ARHGAP15: variants seen among roughly 807,000 people sequenced by gnomAD.
ARHGAP15 encodes Rho GTPase activating protein 15.
In ARHGAP15, 51 loss-of-function variants were observed where a neutral mutation model predicts 63.7. The ratio of observed to expected loss-of-function variants is 0.80; its 90% CI spans 0.64 to 1.01. The LOEUF is 1.01. Ranked by LOEUF, ARHGAP15 falls within the 50% of genes least tolerant of loss-of-function variation. ARHGAP15 has a pLI of 0.00. For missense variants in ARHGAP15, 560 were observed against 564.6 expected (o/e 0.99, Z 0.08); for synonymous variants, 191 against 193.8 (o/e 0.99, Z 0.12).
At chr2:143,413,964 T>TGCGCGCGCGCGCGC (rs1263567075) in intron 6 of ARHGAP15, among the ~76,000 whole-genome samples, 8 of 67,020 alleles carry the variant, frequency 1.2e-4, no homozygotes, top group African/African-American at 5.6e-4. Flanking sequence ...TGTGTGTGTG[T>TGCGCGCGCGCGCGC]GTGCGCGCTC....
chr2:143,742,737 C>T (rs1686008180), intron 13 of ARHGAP15, among the ~76,000 whole-genome samples: 1 of 152,190 alleles, frequency 6.6e-6, no homozygotes, highest in Non-Finnish European at 1.5e-5. Flanking sequence ...AGTCCAGTGA[C>T]AGCCAATCAG....
chr2:143,200,841 A>G (rs1488174392), intron 2 of ARHGAP15, among the ~76,000 whole-genome samples: 1 of 152,154 alleles, frequency 6.6e-6, no homozygotes, highest in Non-Finnish European at 1.5e-5. Flanking sequence ...GAGACTTAAT[A>G]GAATGTTGAT....
intron 6 of ARHGAP15, among the ~76,000 whole-genome samples, chr2:143,318,456 A>ACGG (rs1190561896): frequency 6.7e-6 from 1 of 148,414 alleles, no homozygotes; most frequent in African/African-American, 2.5e-5. Flanking sequence ...GAATCTAAAA[A>ACGG]CGGGAGTTTA....
intron 13 of ARHGAP15, among the ~76,000 whole-genome samples, chr2:143,726,473 G>A (rs1685285089): frequency 6.6e-6 from 1 of 152,022 alleles, no homozygotes; most frequent in South Asian, 2.1e-4. Flanking sequence ...CTGAGAGCCT[G>A]GTCTATAGGA....
At chr2:143,601,920 G>T (rs574883769) in intron 11 of ARHGAP15, among the ~76,000 whole-genome samples, 24 of 152,088 alleles carry the variant, frequency 1.6e-4, no homozygotes, top group African/African-American at 5.8e-4. Context: ...ATATTTCAAG[G>T]TTTTGTTTTC....
At chr2:143,521,237 C>T (rs925034585) in intron 10 of ARHGAP15, among the ~76,000 whole-genome samples, 4 of 152,158 alleles carry the variant, frequency 2.6e-5, no homozygotes, top group Admixed American at 2.6e-4. Context: ...ATTCAAAGCA[C>T]TTTGGCAGCA....
intron 2 of ARHGAP15, 67 bp downstream of exon 2, chr2:143,155,722 A>G: frequency 6.9e-7 from 1 of 1,440,840 alleles, no homozygotes; most frequent in African/African-American, 1.5e-5. Context: ...GAAAAAAAAA[A>G]GCTAATTAGT....
At chr2:143,235,874 AG>A in intron 5 of ARHGAP15, 1 of 1,480,032 alleles carries the variant, frequency 6.8e-7, no homozygotes, top group African/African-American at 1.4e-5. Context: ...GTATCAGTGA[AG>A]TATTTCAATT....
At chr2:143,490,427 G>A (rs894391264) in intron 9 of ARHGAP15, among the ~76,000 whole-genome samples, 1 of 152,108 alleles carries the variant, frequency 6.6e-6, no homozygotes, top group Non-Finnish European at 1.5e-5. Flanking sequence ...ATATTTTATT[G>A]ACCCTATAAC....
In ARHGAP15 at chr2:143,340,574, G is replaced by T. The variant is rs543755348; in HGVS notation, c.474+89974G>T. Among the ~76,000 whole-genome samples, 5 of 151,132 alleles carry T rather than the reference G, an allele frequency of 3.3e-5. No homozygotes were observed. In the South Asian group the frequency reaches 1.0e-3, roughly 32 times the overall value. On this transcript the variant is annotated intron_variant, in intron 6 of 13. Transcript: ENST00000295095. The stretch of plus-strand genomic sequence containing the variant: ...AAAAGAAAACAATTACTTTTTATGG[G>T]CAAGCAGTGTGCAAGCACCTTTGTT...
intron 11 of ARHGAP15, among the ~76,000 whole-genome samples, chr2:143,603,878 T>G (rs1697877060): frequency 6.6e-6 from 1 of 152,160 alleles, no homozygotes; most frequent in African/African-American, 2.4e-5. Context: ...AGAAGAAGAA[T>G]AAACTCCTCT....
chr2:143,665,016 G>A (rs1214456675), intron 12 of ARHGAP15, among the ~76,000 whole-genome samples: 5 of 151,916 alleles, frequency 3.3e-5, no homozygotes, highest in African/African-American at 7.3e-5. Context: ...CATTCCTTCT[G>A]AAACTATTCC....
intron 11 of ARHGAP15, among the ~76,000 whole-genome samples, chr2:143,610,633 A>G (rs1186713534): frequency 6.6e-6 from 1 of 152,196 alleles, no homozygotes; most frequent in Non-Finnish European, 1.5e-5. Flanking sequence ...ACGGCATTGT[A>G]ATTGTTATTA....
chr2:143,556,378 C>T (rs778841879), intron 10 of ARHGAP15, 30 bp from the exon 11 acceptor site: 3 of 1,525,484 alleles, frequency 2.0e-6, no homozygotes, highest in East Asian at 2.3e-5. Flanking sequence ...CCTATATGTG[C>T]TAATATAAAA....
At chr2:143,748,744 G>A (rs1027125741) in intron 13 of ARHGAP15, among the ~76,000 whole-genome samples, 1 of 152,128 alleles carries the variant, frequency 6.6e-6, no homozygotes, top group African/African-American at 2.4e-5. Context: ...GGCCGTGAAT[G>A]CTTCAGCCAT....
At chr2:143,221,944 A>G (rs1693017863) in intron 4 of ARHGAP15, among the ~76,000 whole-genome samples, 1 of 152,188 alleles carries the variant, frequency 6.6e-6, no homozygotes, top group Non-Finnish European at 1.5e-5. Flanking sequence ...AACAGTTGTT[A>G]TTCAGAATGG....
intron 10 of ARHGAP15, among the ~76,000 whole-genome samples, chr2:143,521,786 CT>C (rs5834955): frequency 4.0e-5 from 6 of 151,288 alleles, no homozygotes; most frequent in South Asian, 2.1e-4. Flanking sequence ...GTTTCCTTCT[CT>C]TTTTTTTTCT....
intron 6 of ARHGAP15, among the ~76,000 whole-genome samples, chr2:143,419,888 A>C (rs768882995): frequency 2.0e-5 from 3 of 152,184 alleles, no homozygotes; most frequent in Non-Finnish European, 2.9e-5. Context: ...CAAAACAGCA[A>C]TATCATTGAA....
At chr2:143,415,442 A>T (rs1404859637) in intron 6 of ARHGAP15, among the ~76,000 whole-genome samples, 1 of 152,196 alleles carries the variant, frequency 6.6e-6, no homozygotes, top group African/African-American at 2.4e-5. Flanking sequence ...TGCATAAGAA[A>T]TATGCCAATA....
Sources: allele counts gnomAD v4.1 joint callset (sites outside exome capture counted in the v4.1 genomes callset), GRCh38; gene constraint gnomAD v4.1.1; transcripts MANE v1.5; gene names NCBI Gene and HGNC (gene_info 2026-07-23, HGNC 2026-07-21).